The following CARD10 variants were observed in gnomAD, a reference collection of about 807,000 sequenced individuals.
CARD10 encodes caspase recruitment domain-containing protein 10.
A neutral mutation model predicts 114.6 loss-of-function variants in CARD10; 49 were observed. That is an observed-to-expected ratio of 0.43 (90% CI 0.34 to 0.54). CARD10 has a LOEUF of 0.54. Among genes scored for constraint, CARD10 ranks in the 20% least tolerant of loss-of-function variants. The pLI is 0.03. For missense variants in CARD10, 1,206 were observed against 1,397.2 expected (o/e 0.86, Z 2.18); for synonymous variants, 602 against 593.2 (o/e 1.01, Z -0.21).
chr22:37,509,695 C>T (rs1304539534), intron 4 of CARD10, among the ~76,000 whole-genome samples: 3 of 138,678 alleles, frequency 2.2e-5, no homozygotes, highest in Non-Finnish European at 4.8e-5. Flanking sequence ...CCCTCCTGAC[C>T]CCCCCTCAAC....
intron 8 of CARD10, 95 bp from the exon 9 acceptor site, chr22:37,504,396 G>T: frequency 1.8e-6 from 2 of 1,108,894 alleles, no homozygotes; most frequent in Non-Finnish European, 2.5e-6. Flanking sequence ...CAAATGAGAA[G>T]TAGGGCCCAG....
At chr22:37,511,390 G>A (rs1435505818) in intron 3 of CARD10, among the ~76,000 whole-genome samples, 1 of 134,164 alleles carries the variant, frequency 7.5e-6, no homozygotes, top group Non-Finnish European at 1.6e-5. Context: ...AGAAGAAGGA[G>A]AAGGGGGTGA....
chr22:37,516,104 C>T lies in CARD10; in HGVS notation c.568G>A (p.Glu190Lys), dbSNP rs755426309. Residue 190 changes from glutamate (E) to lysine (K), a missense_variant, in exon 3 of 20, where the codon GAG (glutamate) becomes AAG (lysine). By Grantham distance (56) the Glu-to-Lys change is moderately conservative. This residue lies in a region of CARD10 where 1,068 missense variants were observed against 1,179.1 expected (regional missense o/e 0.91). Transcript: ENST00000251973. ...QAQERCQRLR[E>K]DWEAGSLELL... ...TCCAGGCTGCCCGCCTCCCAGTCCT[C>T]CCGCAGCCGTTGACAGCGCTCCTGA... The T allele has an allele frequency of 6.3e-7, 1 of 1,595,896 alleles. No individual in the cohort carries two copies. Among genetic ancestry groups the T allele is most frequent in the South Asian group, 1.1e-5 (1 of 88,624 alleles).
chr22:37,500,931 T>C (rs1336193356), intron 11 of CARD10, among the ~76,000 whole-genome samples: 1 of 152,118 alleles, frequency 6.6e-6, no homozygotes. Context: ...ACAGGCACTA[T>C]GTGAGCCCAT....
At chr22:37,491,984 AC>A in intron 18 of CARD10, 117 bp from the exon 19 acceptor site, 1 of 685,098 alleles carries the variant, frequency 1.5e-6, no homozygotes, top group Non-Finnish European at 2.6e-6. Flanking sequence ...CTGCCTCCCC[AC>A]CCAGAGGGAC....
At chr22:37,500,756 G>A (rs1923184104) in intron 11 of CARD10, among the ~76,000 whole-genome samples, 1 of 152,144 alleles carries the variant, frequency 6.6e-6, no homozygotes, top group Non-Finnish European at 1.5e-5. Flanking sequence ...TCAGTGTCCT[G>A]GTCTGTGTAA....
chr22:37,491,621 A>C (rs1194632031), intron 19 of CARD10, 134 bp downstream of exon 19: 1 of 129,842 alleles, frequency 7.7e-6, no homozygotes, highest in Non-Finnish European at 1.5e-5. Flanking sequence ...AGGGGGAGGG[A>C]GAGAGGGGGA....
intron 9 of CARD10, 151 bp from the exon 10 acceptor site, chr22:37,503,364 A>AC (rs1923288906): frequency 2.9e-6 from 2 of 686,970 alleles, no homozygotes; most frequent in East Asian, 6.2e-5. Context: ...GGTACAGGGC[A>AC]CCCATGCCAC....
intron 3 of CARD10, 40 bp downstream of exon 3, chr22:37,515,933 C>T (rs766410249): frequency 1.1e-5 from 16 of 1,485,698 alleles, no homozygotes; most frequent in Non-Finnish European, 1.5e-5. Flanking sequence ...CAAAAGCTGC[C>T]CCTTCCCTTG....
chr22:37,516,316 G>A lies in CARD10; in HGVS notation c.374-18C>T. Reference sequence around the variant, plus strand: ...CTCCTCATCTGCCAGGACAGAACAGGGGACAGAATAGGCAGCTCAGGCAAG... The same window carrying A: ...CTCCTCATCTGCCAGGACAGAACAGAGGACAGAATAGGCAGCTCAGGCAAG... On this transcript the variant is annotated intron_variant, in intron 2 of 19. Transcript: ENST00000251973. The A allele has an allele frequency of 6.4e-7, 1 of 1,550,922 alleles. No individual in the cohort carries two copies. The highest frequency in any genetic ancestry group is 1.2e-5 in the South Asian group (1 of 83,972).
rs774121038 is a variant in CARD10 at position 37,494,228 on chromosome 22, GC to G, written c.2374-41del. ...GGACAGAGGAGCATCTGAGAGCTCAGCCCCGCCCCCTCAGGGAGAGGAGGAA... is the reference window on the plus strand; with the variant it reads ...GGACAGAGGAGCATCTGAGAGCTCAGCCCGCCCCCTCAGGGAGAGGAGGAA... On this transcript the variant is annotated intron_variant, in intron 15 of 19. Transcript: ENST00000251973. The G allele has an allele frequency of 2.7e-5, 38 of 1,387,446 alleles. No individual in the cohort carries two copies. In the Admixed American group the frequency reaches 4.9e-4, roughly 18 times the overall value. The allele number at this position is 1,387,446 out of a possible 1,614,324, so 85.9% of individuals were successfully genotyped here.
intron 7 of CARD10, 95 bp downstream of exon 7, chr22:37,506,097 T>A: frequency 3.0e-6 from 3 of 998,128 alleles, no homozygotes; most frequent in Non-Finnish European, 4.2e-6. Flanking sequence ...GGCTGAGGTC[T>A]CCCACCAGGG....
intron 3 of CARD10, among the ~76,000 whole-genome samples, chr22:37,512,429 C>T (rs1923684299): frequency 6.8e-6 from 1 of 146,416 alleles, no homozygotes; most frequent in Admixed American, 6.8e-5. Context: ...CTTGCTAGTT[C>T]CCCAGCCTTG....
chr22:37,491,612 G>GGGAGAAC, intron 19 of CARD10, 143 bp downstream of exon 19: 1 of 447,520 alleles, frequency 2.2e-6, no homozygotes, highest in Non-Finnish European at 4.0e-6. Context: ...GGAGGGGGGA[G>GGGAGAAC]GGGGAGGGAG....
chr22:37,496,489 C>T lies in CARD10; in HGVS notation c.2019G>A (p.Trp673Ter). 2 of 1,613,844 alleles carry T rather than the reference C, an allele frequency of 1.2e-6. No individual in the cohort carries two copies. Among genetic ancestry groups the T allele is most frequent in the Non-Finnish European group, 1.7e-6 (2 of 1,179,900 alleles). The change falls in exon 13 of 20, where the codon TGG becomes TGA. Residue 673 changes from tryptophan (W) to a stop codon, truncating the protein, a stop_gained. Coordinates refer to ENST00000251973, the MANE Select transcript of CARD10 (RefSeq NM_014550.4). LOFTEE classifies it high-confidence loss of function. This position sits in a 1 kb window ranked among gnomAD's most constrained non-coding sequence, Gnocchi z 4.1. ...EAEAQQRTLL[W>*]NQGSTLPSLM... The stretch of plus-strand genomic sequence containing the variant: ...GGGAGGGGAGTGTGGACCCCTGATT[C>T]CAGAGCAAGGTTCTCTGCTGGGCCT...
rs369846218 is a variant in CARD10 at position 37,492,929 on chromosome 22, G to GCA, written c.2477-129_2477-128dup. 3.9e-4 allele frequency: 347 copies of GCA among 888,394 alleles called. No individual in the cohort carries two copies. Among genetic ancestry groups the GCA allele is most frequent in the Non-Finnish European group, 5.1e-4 (302 of 590,198 alleles). The allele number at this position is 888,394 out of a possible 1,614,324, so 55.0% of individuals were successfully genotyped here. On this transcript the variant is annotated intron_variant, in intron 16 of 19. Transcript: ENST00000251973. This position sits in a 1 kb window ranked among gnomAD's most constrained non-coding sequence, Gnocchi z 5.7. Reference sequence around the variant, plus strand: ...TCCTGCTGCTGCTCCTCCTACACATGCACACACACACACCCTTAGTAGGAC... The same window carrying GCA: ...TCCTGCTGCTGCTCCTCCTACACATGCACACACACACACACCCTTAGTAGGAC...
chr22:37,491,417 G>C, intron 19 of CARD10, 24 bp from the exon 20 acceptor site: 1 of 1,433,974 alleles, frequency 7.0e-7, no homozygotes, highest in Middle Eastern at 1.9e-4. Context: ...AGTGAGCAGC[G>C]GTCAAAGTGG....
Position 37,504,773 on chromosome 22 carries a change from G to A in CARD10, c.1384-4C>T. ...GGGAATGGGAGGAGGCACAGGCCTG[G>A]AAGAGGGAGAGGAGAGGAAGGAGGT... On this transcript the variant is annotated splice_region_variant and splice_polypyrimidine_tract_variant and intron_variant, in intron 7 of 19. Coordinates refer to ENST00000251973, the MANE Select transcript of CARD10 (RefSeq NM_014550.4). The A allele has an allele frequency of 6.6e-7, 1 of 1,522,314 alleles. No homozygotes were observed. Among genetic ancestry groups the A allele is most frequent in the Non-Finnish European group, 8.8e-7 (1 of 1,136,412 alleles). 94.3% of individuals were successfully genotyped at this position (1,522,314 alleles called of 1,614,324 possible).
chr22:37,495,733 C>A (rs746964711), intron 14 of CARD10, 27 bp downstream of exon 14: 1 of 1,612,818 alleles, frequency 6.2e-7, no homozygotes, highest in Non-Finnish European at 8.5e-7. Context: ...AGGGGGACCC[C>A]ATCCCCAGCT....
Sources: allele counts gnomAD v4.1 joint callset (sites outside exome capture counted in the v4.1 genomes callset), GRCh38; gene constraint gnomAD v4.1.1; regional missense constraint gnomAD v4.1.1; non-coding constraint Gnocchi (gnomAD v3.1); transcripts MANE v1.5; gene names NCBI Gene and HGNC (gene_info 2026-07-23, HGNC 2026-07-21).